Variants in NTM observed in about 807,000 individuals in gnomAD.
The protein encoded by NTM is neurotrimin.
NTM carries 13 observed loss-of-function variants against 42.1 expected under a neutral mutation model. The observed-to-expected ratio is 0.31, with a 90% CI of 0.20 to 0.49. The LOEUF is 0.49. Among genes scored for constraint, NTM ranks in the 20% least tolerant of loss-of-function variants. The pLI, the probability that NTM is intolerant of heterozygous loss-of-function variation, is 0.99. For synonymous variants in NTM, 187 were observed against 179.2 expected (o/e 1.04, Z -0.35); for missense variants, 373 against 452.8 (o/e 0.82, Z 1.60).
intron 1 of NTM, among the ~76,000 whole-genome samples, chr11:131,396,556 C>T (rs945135250): frequency 5.3e-5 from 8 of 152,096 alleles, no homozygotes; most frequent in South Asian, 4.2e-4. Flanking sequence ...TGGCTGGGCG[C>T]GGTGGCTCAC....
At position 131,879,433 on chromosome 11, in the gene NTM, GTCATCTT is replaced by G. The variant is rs544432977; in HGVS notation, c.83-32130_83-32124del. Among the ~76,000 whole-genome samples, 25 of 152,136 alleles carry G rather than the reference GTCATCTT, an allele frequency of 1.6e-4. No individual in the cohort carries two copies. In the South Asian group the frequency reaches 4.8e-3, roughly 29 times the overall value. On this transcript the variant is annotated intron_variant, in intron 1 of 8. Transcript: ENST00000683400. ...CAACATAAAAACATTGAAATTTTGGGTCATCTTAATGATGACAGCCCCACTCCCAACC... is the reference window on the plus strand; with the variant it reads ...CAACATAAAAACATTGAAATTTTGGGAATGATGACAGCCCCACTCCCAACC...
At chr11:131,631,755 A>T (rs2063681574) in intron 1 of NTM, among the ~76,000 whole-genome samples, 1 of 152,168 alleles carries the variant, frequency 6.6e-6, no homozygotes, top group Non-Finnish European at 1.5e-5. Context: ...TGGCGCATGC[A>T]TTCTTGTATA....
At chr11:132,248,267 C>T (rs963975648) in intron 4 of NTM, among the ~76,000 whole-genome samples, 4 of 152,158 alleles carry the variant, frequency 2.6e-5, no homozygotes, top group African/African-American at 9.7e-5. Context: ...TTTCTGATCC[C>T]CTGAACTTTC....
intron 3 of NTM, among the ~76,000 whole-genome samples, chr11:132,172,360 C>T (rs1285600903): frequency 6.6e-6 from 1 of 152,256 alleles, no homozygotes; most frequent in Non-Finnish European, 1.5e-5. Flanking sequence ...TAGTTCTTCT[C>T]ATCTACCTCA....
At chr11:131,446,764 G>A (rs534939712) in intron 1 of NTM, among the ~76,000 whole-genome samples, 4 of 152,198 alleles carry the variant, frequency 2.6e-5, no homozygotes, top group Non-Finnish European at 5.9e-5. Flanking sequence ...TGATTCATGA[G>A]GGTTAATGCA....
intron 4 of NTM, among the ~76,000 whole-genome samples, chr11:132,236,499 G>A (rs367836145): frequency 2.0e-5 from 3 of 152,106 alleles, no homozygotes; most frequent in South Asian, 2.1e-4. Context: ...AAAGTGGGAC[G>A]GCATAACTAT....
intron 1 of NTM, among the ~76,000 whole-genome samples, chr11:131,502,012 T>G (rs2046896307): frequency 3.9e-5 from 6 of 152,052 alleles, no homozygotes; most frequent in Admixed American, 3.9e-4. Flanking sequence ...TCTATGAGTT[T>G]GGAGTTCAAG....
intron 2 of NTM, among the ~76,000 whole-genome samples, chr11:132,012,853 A>T (rs530137889): frequency 6.6e-6 from 1 of 152,214 alleles, no homozygotes; most frequent in Non-Finnish European, 1.5e-5. Context: ...CATTCAGAAT[A>T]CGCATCAGGA....
At chr11:131,439,943 CTT>C (rs11388263) in intron 1 of NTM, among the ~76,000 whole-genome samples, 19 of 137,718 alleles carry the variant, frequency 1.4e-4, no homozygotes, top group African/African-American at 3.2e-4. Context: ...CCATCTTAGG[CTT>C]TTTTTTTTTT....
At chr11:131,487,314 A>G (rs907585058) in intron 1 of NTM, among the ~76,000 whole-genome samples, 3 of 152,242 alleles carry the variant, frequency 2.0e-5, no homozygotes, top group Non-Finnish European at 2.9e-5. Context: ...ATAGTACTGA[A>G]TAAGTTCCAT....
chr11:131,872,388 G>A (rs576413157), intron 1 of NTM, among the ~76,000 whole-genome samples: 7 of 152,280 alleles, frequency 4.6e-5, no homozygotes, highest in African/African-American at 1.4e-4. Flanking sequence ...AGTGTCCTTC[G>A]TTCTTGTTGT....
chr11:131,391,294 A>G (rs558841301), intron 1 of NTM, among the ~76,000 whole-genome samples: 138 of 152,110 alleles, frequency 9.1e-4, no homozygotes, highest in African/African-American at 3.2e-3. Flanking sequence ...CTGTCCCCAC[A>G]TGCTTTGGGT....
chr11:132,085,647 G>A (rs2059611842), intron 2 of NTM, among the ~76,000 whole-genome samples: 1 of 152,140 alleles, frequency 6.6e-6, no homozygotes, highest in African/African-American at 2.4e-5. Context: ...TTTCAGTTAA[G>A]CACTTATTTT....
rs187522067 is a variant in NTM at position 131,492,316 on chromosome 11, T to C, written c.82+121428T>C. ...TGACTTATTCATCATCACCCAGCTA[T>C]CAGTGGTGGTATTAGAGCTGAAAGC... is the stretch of plus-strand genomic sequence containing the variant. On this transcript the variant is annotated intron_variant, in intron 1 of 8. Transcript: ENST00000683400. Among the ~76,000 whole-genome samples, 33 of 151,778 alleles carry C rather than the reference T, an allele frequency of 2.2e-4. No homozygotes were observed. In the East Asian group the frequency reaches 6.4e-3, roughly 29 times the overall value.
At chr11:132,110,813 T>A (rs1591578718) in intron 2 of NTM, among the ~76,000 whole-genome samples, 1 of 151,728 alleles carries the variant, frequency 6.6e-6, no homozygotes, top group African/African-American at 2.4e-5. Context: ...GGTGGGAGGA[T>A]CACTTGAGCT....
chr11:131,383,780 C>A (rs1490739923), intron 1 of NTM, among the ~76,000 whole-genome samples: 1 of 152,108 alleles, frequency 6.6e-6, no homozygotes, highest in Non-Finnish European at 1.5e-5. Context: ...GGCCAAACAA[C>A]ATGATTTGGG....
chr11:131,640,461 C>T lies in NTM; in HGVS notation c.82+269573C>T, dbSNP rs556126750. ...AGGCTTCCTGCAGGCTCTCATCAGC[C>T]GTATTTTGGTGTTGCCTGAACCATG... On this transcript the variant is annotated intron_variant, in intron 1 of 8. Coordinates refer to ENST00000683400, the MANE Select transcript of NTM (RefSeq NM_001352005.2). 2.4e-4 allele frequency among the ~76,000 whole-genome samples: 37 copies of T among 152,240 alleles called. 1 individual carries two copies. Among genetic ancestry groups the T allele is most frequent in the South Asian group, 1.5e-3 (7 of 4,814 alleles).
intron 2 of NTM, among the ~76,000 whole-genome samples, chr11:132,086,821 C>G (rs555777057): frequency 1.3e-5 from 2 of 152,288 alleles, no homozygotes; most frequent in Admixed American, 6.5e-5. Flanking sequence ...TTCTCTTCCC[C>G]TGAGCTCAAT....
chr11:131,618,197 AG>A (rs2062147055), intron 1 of NTM, among the ~76,000 whole-genome samples: 1 of 152,220 alleles, frequency 6.6e-6, no homozygotes, highest in Non-Finnish European at 1.5e-5. Flanking sequence ...AGCACATCCA[AG>A]ACCTCAAAAG....
Sources: allele counts gnomAD v4.1 joint callset (sites outside exome capture counted in the v4.1 genomes callset), GRCh38; gene constraint gnomAD v4.1.1; transcripts MANE v1.5; gene names NCBI Gene and HGNC (gene_info 2026-07-23, HGNC 2026-07-21).